The following MYO1F variants were observed in gnomAD, a reference collection of about 807,000 sequenced individuals.
The protein encoded by MYO1F is myosin IF, also known as unconventional myosin-If.
In MYO1F, 60 loss-of-function variants were observed where a neutral mutation model predicts 146.6. That is an observed-to-expected ratio of 0.41 (90% CI 0.33 to 0.51). The LOEUF (loss-of-function observed/expected upper bound fraction) is 0.51. MYO1F is among the 20% of genes least tolerant of loss of function. The probability of loss-of-function intolerance (pLI) is 0.25; values close to 1 mark genes in which losing one functional copy is unlikely to be tolerated. For synonymous variants in MYO1F, 602 were observed against 602.1 expected (o/e 1.00, Z 0.00); for missense variants, 1,274 against 1,534.3 (o/e 0.83, Z 2.83).
chr19:8,561,413 CCCTCCCTTCCTTTCTCCT>C (rs1974109758), intron 1 of MYO1F, among the ~76,000 whole-genome samples: 1 of 47,142 alleles, frequency 2.1e-5, no homozygotes, highest in Non-Finnish European at 3.8e-5. Context: ...TTTCTCCTCT[CCCTCCCTTCCTTTCTCCT>C]CTCCCTCCCT....
chr19:8,566,261 G>A (rs1007891897), intron 1 of MYO1F, among the ~76,000 whole-genome samples: 9 of 134,992 alleles, frequency 6.7e-5, no homozygotes, highest in Admixed American at 2.4e-4. Flanking sequence ...TCTGCCTCCC[G>A]GGTTCACGCC....
At chr19:8,536,447 C>T (rs1453886090) in intron 18 of MYO1F, 51 bp from the exon 19 acceptor site, 4 of 1,607,862 alleles carry the variant, frequency 2.5e-6, no homozygotes, top group Admixed American at 1.7e-5. Context: ...ACAGGCCTGG[C>T]TGGGCGTTCT....
In MYO1F at chr19:8,550,632, C is replaced by T. The variant is rs778945182; in HGVS notation, c.834G>A (p.Ala278=). Residue 278 remains alanine, a synonymous_variant, in exon 9 of 28, where the codon GCG becomes GCA. Transcript: ENST00000644032. ...TGATGTTCCCCAGGTGCAAGATCCC[C>T]GCCACGAGCTGCAGGACCAGCTGCT... ...SIQQLVLQLV[A]GILHLGNISF... is the part of the protein sequence containing the mutation. 4.2e-5 allele frequency: 68 copies of T among 1,614,028 alleles called. No homozygotes were observed. Among genetic ancestry groups the T allele is most frequent in the East Asian group, 6.7e-5 (3 of 44,892 alleles).
Position 8,529,933 on chromosome 19 carries a change from A to G in MYO1F, c.2328+263T>C, listed in dbSNP as rs1269460563. ...GGTGAGGATATACCTGTGATGGAACAGATGGATCTAGGCTGGGGGATAGAT... is the reference window on the plus strand; with the variant it reads ...GGTGAGGATATACCTGTGATGGAACGGATGGATCTAGGCTGGGGGATAGAT... On this transcript the variant is annotated intron_variant, in intron 21 of 27. Transcript: ENST00000644032. 3.3e-5 allele frequency: 20 copies of G among 602,038 alleles called. No individual in the cohort carries two copies. The Admixed American group carries it at 3.7e-4, about 11-fold the overall frequency. The allele number at this position is 602,038 out of a possible 1,614,324, so 37.3% of individuals were successfully genotyped here. A position where few individuals can be genotyped will look rare whatever the true frequency, so the allele number is the denominator to read the frequency against.
chr19:8,561,570 T>C, intron 1 of MYO1F, among the ~76,000 whole-genome samples: 1 of 111,976 alleles, frequency 8.9e-6, no homozygotes. Flanking sequence ...CTCCTCTCCC[T>C]CCTTCCTTCC....
At chr19:8,532,579 T>G (rs976288972) in intron 19 of MYO1F, among the ~76,000 whole-genome samples, 3 of 152,110 alleles carry the variant, frequency 2.0e-5, no homozygotes, top group Admixed American at 6.6e-5. Flanking sequence ...TGTCAATTAG[T>G]GAAGATGGGA....
At chr19:8,522,863 G>A in intron 25 of MYO1F, 34 bp from the exon 26 acceptor site, 1 of 1,525,234 alleles carries the variant, frequency 6.6e-7, no homozygotes, top group Non-Finnish European at 8.8e-7. Context: ...ACATGTATTA[G>A]GGTGATGCTA....
chr19:8,554,906 G>A (rs906717821), intron 2 of MYO1F, among the ~76,000 whole-genome samples, 163 bp from the exon 3 acceptor site: 2 of 152,006 alleles, frequency 1.3e-5, no homozygotes, highest in Non-Finnish European at 2.9e-5. Flanking sequence ...AGGGCTGGCC[G>A]GGCGCGGTGG....
chr19:8,533,282 A>T (rs1972567080), intron 19 of MYO1F, among the ~76,000 whole-genome samples: 1 of 147,212 alleles, frequency 6.8e-6, no homozygotes, highest in Admixed American at 6.9e-5. Context: ...ACCAGCCTTG[A>T]CCTCCCAAAG....
At position 8,526,558 on chromosome 19, in the gene MYO1F, T is replaced by G; in HGVS notation, c.2665A>C (p.Thr889Pro). 2 of 1,597,890 alleles carry G rather than the reference T, an allele frequency of 1.3e-6. No homozygotes were observed. The highest frequency in any genetic ancestry group is 1.7e-6 in the Non-Finnish European group (2 of 1,174,564). Reference protein sequence around the residue: ...VKKEGWGGGGTRSVTFSRGFG... With the variant: ...VKKEGWGGGGPRSVTFSRGFG... ...CCGCGGGAGAAGGTGACGCTGCGGG[T>G]GCCGCCACCGCCCCAGCCCTCCTTC... The change falls in exon 24 of 28, where the codon ACC becomes CCC. Residue 889 changes from threonine to proline, a missense_variant. Physicochemically the swap from Thr to Pro is conservative, Grantham distance 38 (BLOSUM62 -1). Around this residue, in one of 2 missense-constraint regions of MYO1F, gnomAD observed 374 missense variants for 379.2 expected, o/e 0.99. Coordinates refer to ENST00000644032, the MANE Select transcript of MYO1F (RefSeq NM_012335.4).
intron 1 of MYO1F, among the ~76,000 whole-genome samples, chr19:8,575,513 C>A (rs1180235356): frequency 6.6e-6 from 1 of 151,962 alleles, no homozygotes; most frequent in East Asian, 1.9e-4. Flanking sequence ...GCTTGCCTGC[C>A]ACTCATCTCC....
chr19:8,561,314 C>T (rs1015418062), intron 1 of MYO1F, among the ~76,000 whole-genome samples: 1 of 151,640 alleles, frequency 6.6e-6, no homozygotes, highest in Non-Finnish European at 1.5e-5. Context: ...GGCTTCAACC[C>T]CTCACACTGC....
In MYO1F at chr19:8,552,154, A is replaced by G. The variant is rs1193987060; in HGVS notation, c.515T>C (p.Phe172Ser). Residue 172 changes from phenylalanine to serine, a missense_variant, in exon 7 of 28, where the codon TTT becomes TCT. Around this residue, in one of 2 missense-constraint regions of MYO1F, gnomAD observed 900 missense variants for 1,155.1 expected, o/e 0.78. Transcript: ENST00000644032. ...CCCACCTCGGCTGAACTGGATCTCA[A>G]AGTACTTGCCCTGAATCCGAGAGAA... ...NNNSSRFGKY[F>S]EIQFSRGGEP... The G allele has an allele frequency of 6.2e-7, 1 of 1,613,900 alleles. No individual in the cohort carries two copies. Among genetic ancestry groups the G allele is most frequent in the Admixed American group, 1.7e-5 (1 of 59,982 alleles).
intron 1 of MYO1F, among the ~76,000 whole-genome samples, chr19:8,563,466 G>A (rs997419602): frequency 4.7e-5 from 7 of 150,236 alleles, no homozygotes; most frequent in Non-Finnish European, 8.9e-5. Flanking sequence ...CCCAGCTAAC[G>A]TTTTGTAATT....
intron 1 of MYO1F, among the ~76,000 whole-genome samples, chr19:8,560,179 T>A (rs1466067080): frequency 6.6e-6 from 1 of 150,472 alleles, no homozygotes; most frequent in East Asian, 2.0e-4. Flanking sequence ...CCTGGGTCTA[T>A]TCAACAGCAA....
In MYO1F at chr19:8,553,342, C is replaced by T. The variant is rs761613616; in HGVS notation, c.414+8G>A. 44 of 1,613,840 alleles carry T rather than the reference C, an allele frequency of 2.7e-5. No individual in the cohort carries two copies. Among genetic ancestry groups the T allele is most frequent in the African/African-American group, 1.3e-4 (10 of 74,884 alleles). On this transcript the variant is annotated splice_region_variant and intron_variant, in intron 5 of 27. Coordinates refer to ENST00000644032, the MANE Select transcript of MYO1F (RefSeq NM_012335.4). ...ACCCAGCTTATCCTTCTGTTTTCCTCGTCTCACCTGGACCTTCTCGCCTCC... is the reference window on the plus strand; with the variant it reads ...ACCCAGCTTATCCTTCTGTTTTCCTTGTCTCACCTGGACCTTCTCGCCTCC...
At chr19:8,567,593 G>T (rs1423161094) in intron 1 of MYO1F, among the ~76,000 whole-genome samples, 3 of 152,208 alleles carry the variant, frequency 2.0e-5, no homozygotes. Flanking sequence ...CCAACCTCAG[G>T]TGATCCTCCC....
At chr19:8,548,001 C>CCCCAA in intron 12 of MYO1F, 35 bp downstream of exon 12, 10 of 1,305,322 alleles carry the variant, frequency 7.7e-6, no homozygotes, top group Non-Finnish European at 1.1e-5. Context: ...ACCCCCACCC[C>CCCCAA]AGGATCCCCC....
intron 1 of MYO1F, among the ~76,000 whole-genome samples, chr19:8,559,349 G>T (rs1973982154): frequency 1.7e-5 from 2 of 117,948 alleles, no homozygotes; most frequent in Admixed American, 8.9e-5. Flanking sequence ...GGGGTGGGGG[G>T]TGGGGGTGGA....
Sources: allele counts gnomAD v4.1 joint callset (sites outside exome capture counted in the v4.1 genomes callset), GRCh38; gene constraint gnomAD v4.1.1; regional missense constraint gnomAD v4.1.1; transcripts MANE v1.5; gene names NCBI Gene and HGNC (gene_info 2026-07-23, HGNC 2026-07-21).